C10orf90: variants seen among roughly 807,000 people sequenced by gnomAD.
C10orf90 encodes (E2-independent) E3 ubiquitin-conjugating enzyme FATS.
In C10orf90, 56 loss-of-function variants were observed where a neutral mutation model predicts 62.5. That is an observed-to-expected ratio of 0.90 (90% CI 0.72 to 1.12). The LOEUF is 1.12. Among genes scored for constraint, C10orf90 ranks in the 50% most tolerant of loss-of-function variants. The pLI is 0.00. For missense variants in C10orf90, 970 were observed against 880.4 expected (o/e 1.10, Z -1.29); for synonymous variants, 386 against 340.4 (o/e 1.13, Z -1.47).
chr10:126,652,367 C>T (rs1385564627), intron 1 of C10orf90, among the ~76,000 whole-genome samples: 1 of 152,174 alleles, frequency 6.6e-6, no homozygotes, highest in African/African-American at 2.4e-5. Context: ...GGATTGTTCT[C>T]TTGTTAGGAT....
chr10:126,586,013 TA>T (rs1844863083), intron 2 of C10orf90, among the ~76,000 whole-genome samples: 1 of 152,216 alleles, frequency 6.6e-6, no homozygotes, highest in Non-Finnish European at 1.5e-5. Flanking sequence ...AGAAGCGACT[TA>T]ACTCTACTAT....
intron 7 of C10orf90, among the ~76,000 whole-genome samples, chr10:126,433,117 G>C (rs1290462810): frequency 6.6e-6 from 1 of 152,148 alleles, no homozygotes; most frequent in Non-Finnish European, 1.5e-5. Flanking sequence ...ACCCTGTACA[G>C]GTAGAAACTG....
Position 126,556,463 on chromosome 10 carries a change from A to C in C10orf90, c.314-42524T>G, listed in dbSNP as rs191025604. Among the ~76,000 whole-genome samples the C allele has an allele frequency of 6.6e-3, 1,004 of 152,332 alleles. 8 individuals are homozygous for C. Among genetic ancestry groups the C allele is most frequent in the Non-Finnish European group, 0.011 (773 of 68,034 alleles). On this transcript the variant is annotated intron_variant, in intron 2 of 9. Transcript: ENST00000488181. Reference sequence around the variant, plus strand: ...AAGTGATCCTTGAAATTATATTACCAACAGAAATTTTCCTTCATTGCTTAT... The same window carrying C: ...AAGTGATCCTTGAAATTATATTACCCACAGAAATTTTCCTTCATTGCTTAT...
chr10:126,539,727 T>C (rs1258186003), intron 2 of C10orf90, among the ~76,000 whole-genome samples: 1 of 152,216 alleles, frequency 6.6e-6, no homozygotes, highest in African/African-American at 2.4e-5. Flanking sequence ...GTAAATTAAC[T>C]TTTTCCAGCA....
intron 1 of C10orf90, among the ~76,000 whole-genome samples, chr10:126,647,862 G>A (rs1846202676): frequency 6.6e-6 from 1 of 152,202 alleles, no homozygotes; most frequent in African/African-American, 2.4e-5. Context: ...TTGGTAACAG[G>A]CCAAGGTCAC....
At chr10:126,620,076 T>A (rs866220521) in intron 2 of C10orf90, among the ~76,000 whole-genome samples, 7 of 152,310 alleles carry the variant, frequency 4.6e-5, no homozygotes, top group African/African-American at 1.7e-4. Flanking sequence ...CTCACATTTT[T>A]ATTTTTTTAC....
chr10:126,633,987 T>C (rs1033429644), intron 2 of C10orf90, among the ~76,000 whole-genome samples: 137 of 152,328 alleles, frequency 9.0e-4, no homozygotes, highest in Non-Finnish European at 1.6e-3. Flanking sequence ...CGATAAGTTT[T>C]GGCGAAGAAG....
At position 126,464,686 on chromosome 10, in the gene C10orf90, C is replaced by T. The variant is rs184501249; in HGVS notation, c.1825+10G>A. 4.7e-5 allele frequency: 75 copies of T among 1,598,120 alleles called. No individual in the cohort carries two copies. The East Asian group carries it at 7.4e-4, about 16-fold the overall frequency. ...ACCAAATGATGTCACCCACCACCCT[C>T]GCTCCTTACCTTTGGGGAACTTGCT... On this transcript the variant is annotated intron_variant, in intron 5 of 9. Coordinates refer to ENST00000488181, the MANE Select transcript of C10orf90 (RefSeq NM_001350921.2).
At chr10:126,654,350 C>G (rs1846350592) in intron 1 of C10orf90, among the ~76,000 whole-genome samples, 1 of 152,240 alleles carries the variant, frequency 6.6e-6, no homozygotes, top group Non-Finnish European at 1.5e-5. Flanking sequence ...GCAGCAGCTT[C>G]TACATTAGGG....
intron 7 of C10orf90, among the ~76,000 whole-genome samples, chr10:126,430,493 A>T (rs76982738): frequency 0.013 from 1,971 of 152,300 alleles, 19 homozygotes; most frequent in Middle Eastern, 0.027. Context: ...TGGCACACTT[A>T]AAAGTGGTGT....
chr10:126,530,335 C>T (rs561218581), intron 2 of C10orf90, among the ~76,000 whole-genome samples: 3 of 149,106 alleles, frequency 2.0e-5, no homozygotes, highest in Non-Finnish European at 4.5e-5. Context: ...TAAAAAAAAA[C>T]AAATCAGTCA....
At position 126,670,669 on chromosome 10, in the gene C10orf90, A is replaced by T. The variant is rs1284489337; in HGVS notation, c.-189T>A. Among the ~76,000 whole-genome samples, 2 of 137,180 alleles carry T rather than the reference A, an allele frequency of 1.5e-5. No individual in the cohort carries two copies. The highest frequency in any genetic ancestry group is 5.6e-5 in the African/African-American group (2 of 35,664). 90.0% of individuals were successfully genotyped at this position (137,180 alleles called of 152,430 possible). On this transcript the variant is annotated 5_prime_UTR_variant, in exon 1 of 10. Transcript: ENST00000488181. ...CATTTGTGAAGGATGTGGATGTGGGAACCTCAGGGGTGACCTTTACGTGCC... is the reference window on the plus strand; with the variant it reads ...CATTTGTGAAGGATGTGGATGTGGGTACCTCAGGGGTGACCTTTACGTGCC...
chr10:126,642,768 C>T (rs1846091313), intron 2 of C10orf90, among the ~76,000 whole-genome samples: 1 of 152,122 alleles, frequency 6.6e-6, no homozygotes. Context: ...TGCCACACTG[C>T]CAGCTGCTTC....
chr10:126,473,208 C>T (rs1365570419), intron 4 of C10orf90, among the ~76,000 whole-genome samples: 1 of 152,222 alleles, frequency 6.6e-6, no homozygotes, highest in Non-Finnish European at 1.5e-5. Flanking sequence ...TCTCTGACTA[C>T]ATCCACTAAC....
chr10:126,512,305 GTGTC>G (rs1407806607), intron 3 of C10orf90, among the ~76,000 whole-genome samples: 5 of 150,364 alleles, frequency 3.3e-5, no homozygotes, highest in African/African-American at 9.8e-5. Context: ...GTGTGTGTGT[GTGTC>G]TGTGTGTGTG....
chr10:126,448,193 C>A (rs1441945141), intron 7 of C10orf90, among the ~76,000 whole-genome samples: 1 of 151,780 alleles, frequency 6.6e-6, no homozygotes, highest in Non-Finnish European at 1.5e-5. Context: ...CTTTTCTCAT[C>A]ACAATGGTAT....
At chr10:126,625,442 G>A (rs1845724062) in intron 2 of C10orf90, among the ~76,000 whole-genome samples, 1 of 152,156 alleles carries the variant, frequency 6.6e-6, no homozygotes, top group Admixed American at 6.5e-5. Context: ...AAATATAGCA[G>A]GTGTTTAGCA....
intron 3 of C10orf90, among the ~76,000 whole-genome samples, chr10:126,507,810 C>T (rs914979538): frequency 4.6e-5 from 7 of 152,168 alleles, no homozygotes; most frequent in African/African-American, 1.7e-4. Flanking sequence ...AGATTCCAGC[C>T]TGTAGCCCCA....
rs573269777 is a variant in C10orf90 at position 126,646,627 on chromosome 10, C to T, written c.251G>A (p.Arg84Gln). Reference protein sequence around the residue: ...QTASRYEIHSRLFSSPKDHSA... With the variant: ...QTASRYEIHSQLFSSPKDHSA... ...ATGATCTTTGGGGGATGAGAAGAGTCGACTGTGGATCTAGAAAACAAACAG... is the reference window on the plus strand; with the variant it reads ...ATGATCTTTGGGGGATGAGAAGAGTTGACTGTGGATCTAGAAAACAAACAG... Residue 84 changes from arginine to glutamine, a missense_variant, in exon 2 of 10, where the codon CGA becomes CAA. Arg to Gln is a conservative substitution (Grantham distance 43). Transcript: ENST00000488181. 11 of 443,136 alleles carry T rather than the reference C, an allele frequency of 2.5e-5. No homozygotes were observed. The highest frequency in any genetic ancestry group is 7.2e-5 in the East Asian group (1 of 13,846). 27.5% of individuals were successfully genotyped at this position (443,136 alleles called of 1,614,324 possible). A position where few individuals can be genotyped will look rare whatever the true frequency, so the allele number is the denominator to read the frequency against.
Sources: gnomAD v4.1 joint callset for allele counts (sites outside exome capture counted in the v4.1 genomes callset) on GRCh38, gnomAD v4.1.1 for gene constraint, MANE v1.5 for transcripts, NCBI Gene and HGNC (gene_info 2026-07-23, HGNC 2026-07-21) for gene names.